Variants in ZNF385D observed in about 807,000 individuals in gnomAD.
ZNF385D encodes the protein zinc finger protein 659.
In ZNF385D, 15 loss-of-function variants were observed where a neutral mutation model predicts 35.8. That is an observed-to-expected ratio of 0.42 (90% CI 0.28 to 0.64). The LOEUF (loss-of-function observed/expected upper bound fraction) is 0.64. Among genes scored for constraint, ZNF385D ranks in the 30% least tolerant of loss-of-function variants. The pLI is 0.23. For synonymous variants in ZNF385D, 212 were observed against 186.8 expected (o/e 1.13, Z -1.10); for missense variants, 474 against 494.6 (o/e 0.96, Z 0.39).
At chr3:22,120,455 T>A (rs946802984) in intron 3 of ZNF385D, among the ~76,000 whole-genome samples, 1 of 152,146 alleles carries the variant, frequency 6.6e-6, no homozygotes, top group African/African-American at 2.4e-5. Flanking sequence ...ATTACTTTTT[T>A]AAGAGTTCTA....
chr3:21,467,471 ATAGTT>A (rs1703593474), intron 4 of ZNF385D, among the ~76,000 whole-genome samples: 1 of 152,210 alleles, frequency 6.6e-6, no homozygotes, highest in Non-Finnish European at 1.5e-5. Flanking sequence ...TTTACAAAAA[ATAGTT>A]TAAGGCATTT....
rs575199488 is a variant in ZNF385D at position 22,348,282 on chromosome 3, C to A, written c.106+24168G>T. 3.3e-5 allele frequency among the ~76,000 whole-genome samples: 5 copies of A among 152,022 alleles called. No individual in the cohort carries two copies. In the East Asian group the frequency reaches 7.8e-4, roughly 24 times the overall value. On this transcript the variant is annotated intron_variant, in intron 2 of 5. Transcript: ENST00000494108. The stretch of plus-strand genomic sequence containing the variant: ...TCAGAATGTGACTATTTTAGGATAA[C>A]CTTTAAAGTGATTACTAAAAATGAA...
intron 3 of ZNF385D, among the ~76,000 whole-genome samples, chr3:21,853,444 A>G (rs1696511983): frequency 6.6e-6 from 1 of 151,758 alleles, no homozygotes; most frequent in South Asian, 2.1e-4. Flanking sequence ...GGTCATTACA[A>G]TTAGTAACAA....
chr3:21,663,042 G>A (rs903055293), intron 2 of ZNF385D, among the ~76,000 whole-genome samples: 3 of 152,054 alleles, frequency 2.0e-5, no homozygotes, highest in Admixed American at 1.3e-4. Flanking sequence ...CTTATCGATG[G>A]TAACAGGCAG....
chr3:21,584,802 C>T lies in ZNF385D; in HGVS notation c.166-20118G>A, dbSNP rs1342237745. Reference sequence around the variant, plus strand: ...CTGCCTTATTCATCCATCATTCTACCTGCAGACCCTAATTCTAGACTGTCT... The same window carrying T: ...CTGCCTTATTCATCCATCATTCTACTTGCAGACCCTAATTCTAGACTGTCT... On this transcript the variant is annotated intron_variant, in intron 2 of 7. Coordinates refer to ENST00000281523, the MANE Select transcript of ZNF385D (RefSeq NM_024697.3). 3.3e-5 allele frequency among the ~76,000 whole-genome samples: 5 copies of T among 152,268 alleles called. No individual in the cohort carries two copies. In the East Asian group the frequency reaches 9.6e-4, roughly 29 times the overall value.
At chr3:22,291,985 A>G (rs368549268) in intron 2 of ZNF385D, among the ~76,000 whole-genome samples, 1 of 152,070 alleles carries the variant, frequency 6.6e-6, no homozygotes, top group South Asian at 2.1e-4. Flanking sequence ...TAATCTTCAC[A>G]AAAGATAATC....
chr3:22,324,462 T>C (rs1461357608), intron 2 of ZNF385D, among the ~76,000 whole-genome samples: 2 of 152,136 alleles, frequency 1.3e-5, no homozygotes, highest in Non-Finnish European at 2.9e-5. Flanking sequence ...AGTCCATTTA[T>C]AGTAGCAACA....
chr3:21,784,524 GA>G (rs2071611221), intron 3 of ZNF385D, among the ~76,000 whole-genome samples: 1 of 151,964 alleles, frequency 6.6e-6, no homozygotes, highest in African/African-American at 2.4e-5. Flanking sequence ...TTTAGATAGA[GA>G]AAAATTATGC....
chr3:21,739,533 C>G (rs1386694518), intron 1 of ZNF385D, among the ~76,000 whole-genome samples: 1 of 152,124 alleles, frequency 6.6e-6, no homozygotes, highest in African/African-American at 2.4e-5. Flanking sequence ...GGGGCCAGAT[C>G]AGAATGTCCC....
At chr3:22,169,333 G>A (rs1004731981) in intron 2 of ZNF385D, among the ~76,000 whole-genome samples, 2 of 152,048 alleles carry the variant, frequency 1.3e-5, no homozygotes, top group African/African-American at 4.8e-5. Flanking sequence ...TTTTATAGCT[G>A]AGGAAACTAA....
chr3:21,960,389 T>A (rs1702521767), intron 3 of ZNF385D, among the ~76,000 whole-genome samples: 1 of 151,890 alleles, frequency 6.6e-6, no homozygotes, highest in Admixed American at 6.6e-5. Context: ...TAATGAAATA[T>A]CACCTCACCC....
chr3:21,440,883 G>A (rs1039388502), intron 4 of ZNF385D, among the ~76,000 whole-genome samples: 4 of 152,048 alleles, frequency 2.6e-5, no homozygotes, highest in Admixed American at 1.3e-4. Context: ...AGAAGTTTCA[G>A]GAAATTTCTC....
chr3:21,588,040 G>A (rs1384140847), intron 2 of ZNF385D, among the ~76,000 whole-genome samples: 9 of 152,162 alleles, frequency 5.9e-5, no homozygotes, highest in African/African-American at 1.7e-4. Flanking sequence ...GGCAGGCACT[G>A]TGACTAAGCC....
intron 3 of ZNF385D, among the ~76,000 whole-genome samples, chr3:22,127,024 GA>G (rs757711348): frequency 7.9e-5 from 12 of 151,954 alleles, no homozygotes; most frequent in Non-Finnish European, 1.3e-4. Flanking sequence ...CATTAGTATG[GA>G]ATATCTTTTT....
At position 21,539,698 on chromosome 3, in the gene ZNF385D, CAT is replaced by C. The variant is rs1173286641; in HGVS notation, c.276+24874_276+24875del. On this transcript the variant is annotated intron_variant, in intron 3 of 7. Transcript: ENST00000281523. This position sits in a 1 kb window ranked among gnomAD's most constrained non-coding sequence, Gnocchi z 4.0. ...GAATATATTAAATGTTTTTAAAAAT[CAT>C]ATATTTATTTTAAATATTTTATGAA... is the stretch of plus-strand genomic sequence containing the variant. Among the ~76,000 whole-genome samples the C allele has an allele frequency of 1.3e-5, 2 of 151,888 alleles. No individual in the cohort carries two copies. Among genetic ancestry groups the C allele is most frequent in the East Asian group, 3.9e-4 (2 of 5,192 alleles).
chr3:21,866,388 A>G (rs529829488), intron 3 of ZNF385D, among the ~76,000 whole-genome samples: 4 of 152,264 alleles, frequency 2.6e-5, no homozygotes, highest in Admixed American at 6.5e-5. Context: ...CAGGAGGTGG[A>G]GGTTGCAGTG....
At chr3:22,334,778 G>T (rs534763183) in intron 2 of ZNF385D, among the ~76,000 whole-genome samples, 2 of 152,008 alleles carry the variant, frequency 1.3e-5, no homozygotes, top group Non-Finnish European at 2.9e-5. Flanking sequence ...GTGCATCCAT[G>T]AATAAGCTTT....
chr3:22,067,285 T>A (rs1330325697), intron 3 of ZNF385D, among the ~76,000 whole-genome samples: 1 of 152,214 alleles, frequency 6.6e-6, no homozygotes, highest in Non-Finnish European at 1.5e-5. Context: ...AAAATAACAT[T>A]TGTAGTACTC....
chr3:22,354,195 T>A (rs1696047593), intron 2 of ZNF385D, among the ~76,000 whole-genome samples: 2 of 152,210 alleles, frequency 1.3e-5, no homozygotes, highest in South Asian at 2.1e-4. Flanking sequence ...CAACTCCCCA[T>A]CCCCATTTTC....
Sources: gnomAD v4.1 joint callset for allele counts (sites outside exome capture counted in the v4.1 genomes callset) on GRCh38, gnomAD v4.1.1 for gene constraint, Gnocchi (gnomAD v3.1) non-coding constraint, MANE v1.5 for transcripts, NCBI Gene and HGNC (gene_info 2026-07-23, HGNC 2026-07-21) for gene names.